Variants in PDE1C observed in about 807,000 individuals in gnomAD.
PDE1C encodes phosphodiesterase 1C.
PDE1C carries 62 observed loss-of-function variants against 93.1 expected under a neutral mutation model. That is an observed-to-expected ratio of 0.67 (90% CI 0.54 to 0.82). PDE1C has a LOEUF of 0.82. PDE1C is among the 40% of genes least tolerant of loss of function. PDE1C has a pLI of 0.00. For missense variants in PDE1C, 742 were observed against 884.6 expected (o/e 0.84, Z 2.04); for synonymous variants, 325 against 310.1 (o/e 1.05, Z -0.50).
intron 16 of PDE1C, among the ~76,000 whole-genome samples, chr7:31,797,412 T>A (rs1037022546): frequency 4.6e-5 from 7 of 151,736 alleles, no homozygotes; most frequent in Admixed American, 2.0e-4. Flanking sequence ...ACCTAAAGGA[T>A]GGGATTAACT....
At chr7:32,209,429 G>T in intron 2 of PDE1C, 1 of 1,363,930 alleles carries the variant, frequency 7.3e-7, no homozygotes, top group Non-Finnish European at 1.0e-6. Flanking sequence ...ATGGGGGAAA[G>T]ATCTCTGGAG....
At chr7:31,652,515 T>C in the PDE1C span, 1,370 of 1,586,592 alleles carry the variant, frequency 8.6e-4, 2 homozygotes, top group Admixed American at 1.4e-3. Context: ...GTTTTCCTTT[T>C]AGCAGCTGGA....
intron 8 of PDE1C, among the ~76,000 whole-genome samples, chr7:31,849,382 T>G (rs1793043849): frequency 6.6e-6 from 1 of 152,150 alleles, no homozygotes; most frequent in African/African-American, 2.4e-5. Flanking sequence ...TGGAATTCCC[T>G]GTATTAAAGG....
At chr7:32,041,183 C>G (rs1791758387) in intron 2 of PDE1C, among the ~76,000 whole-genome samples, 1 of 152,172 alleles carries the variant, frequency 6.6e-6, no homozygotes, top group Admixed American at 6.5e-5. Context: ...GAAGCAAATA[C>G]TATTTCCATT....
At chr7:32,400,979 G>C (rs1199030353) in intron 1 of PDE1C, among the ~76,000 whole-genome samples, 1 of 152,208 alleles carries the variant, frequency 6.6e-6, no homozygotes, top group African/African-American at 2.4e-5. Context: ...AACATCTTGA[G>C]TAAAATGTGT....
chr7:31,663,996 G>A, the PDE1C span, among the ~76,000 whole-genome samples: 1 of 152,060 alleles, frequency 6.6e-6, no homozygotes. Context: ...AATATTTCTG[G>A]TAAATAGGAT....
intron 16 of PDE1C, among the ~76,000 whole-genome samples, chr7:31,778,352 CCT>C (rs1435406368): frequency 1.2e-4 from 18 of 152,324 alleles, no homozygotes; most frequent in African/African-American, 4.1e-4. Context: ...GCCCGAAATG[CCT>C]CTGTGTCCCA....
At chr7:32,073,702 C>T (rs1331290231), upstream of PDE1C, among the ~76,000 whole-genome samples, 1 of 152,190 alleles carries the variant, frequency 6.6e-6, no homozygotes, top group African/African-American at 2.4e-5. Flanking sequence ...TTTAGATGCA[C>T]CATGTTACTA....
chr7:32,285,618 T>C (rs1258220937), intron 1 of PDE1C, among the ~76,000 whole-genome samples: 1 of 151,442 alleles, frequency 6.6e-6, no homozygotes, highest in Non-Finnish European at 1.5e-5. Context: ...TTATGATATG[T>C]AGATTACACC....
chr7:31,982,539 T>C (rs1812523933), intron 2 of PDE1C, among the ~76,000 whole-genome samples: 1 of 152,044 alleles, frequency 6.6e-6, no homozygotes, highest in Non-Finnish European at 1.5e-5. Context: ...TATGATTTTT[T>C]TAATTTCCTC....
chr7:32,271,387 C>T (rs1810953985), intron 1 of PDE1C, among the ~76,000 whole-genome samples: 1 of 152,068 alleles, frequency 6.6e-6, no homozygotes, highest in Admixed American at 6.5e-5. Context: ...TGTAATGCCA[C>T]GCTATTCTAG....
chr7:32,220,769 G>A (rs1366949138), intron 1 of PDE1C, among the ~76,000 whole-genome samples: 5 of 152,146 alleles, frequency 3.3e-5, no homozygotes, highest in African/African-American at 7.2e-5. Context: ...AGTGAGCCGC[G>A]ATCGCACCAC....
At chr7:31,657,262 G>A in the PDE1C span, among the ~76,000 whole-genome samples, 18 of 127,384 alleles carry the variant, frequency 1.4e-4, no homozygotes, top group Non-Finnish European at 2.9e-4. Context: ...CTGATTTCCT[G>A]ATTTGTTAAA....
intron 2 of PDE1C, among the ~76,000 whole-genome samples, chr7:32,206,018 T>G (rs1384354765): frequency 2.0e-5 from 3 of 152,184 alleles, no homozygotes; most frequent in Non-Finnish European, 2.9e-5. Flanking sequence ...AAGAAACCGA[T>G]TCTAGACGCA....
At chr7:32,218,823 A>C (rs11763287) in intron 1 of PDE1C, among the ~76,000 whole-genome samples, 18,019 of 152,158 alleles carry the variant, frequency 0.12, 1,150 homozygotes, top group East Asian at 0.25. Context: ...TCCAGATTTC[A>C]GGTTGACTCT....
chr7:32,000,758 A>G (rs922048240), intron 2 of PDE1C, among the ~76,000 whole-genome samples: 13 of 152,280 alleles, frequency 8.5e-5, no homozygotes, highest in African/African-American at 2.9e-4. Context: ...GATGTCTGGT[A>G]CCCTGGAACC....
chr7:32,109,153 T>A (rs1336364454), intron 3 of PDE1C, among the ~76,000 whole-genome samples: 4 of 152,068 alleles, frequency 2.6e-5, no homozygotes, highest in African/African-American at 9.7e-5. Context: ...TAACAAAATG[T>A]ACTCATATTT....
At chr7:31,704,171 C>G in the PDE1C span, among the ~76,000 whole-genome samples, 1 of 152,154 alleles carries the variant, frequency 6.6e-6, no homozygotes, top group Admixed American at 6.5e-5. Context: ...CAAAATCCTG[C>G]ACTTCTACAC....
chr7:32,158,607 G>A (rs999607709), intron 3 of PDE1C, among the ~76,000 whole-genome samples: 6 of 152,066 alleles, frequency 3.9e-5, no homozygotes, highest in Non-Finnish European at 5.9e-5. Context: ...CTTCCTCCAG[G>A]CACCGCAGAA....
Sources: allele counts gnomAD v4.1 joint callset (sites outside exome capture counted in the v4.1 genomes callset), GRCh38; gene constraint gnomAD v4.1.1; transcripts MANE v1.5; gene names NCBI Gene and HGNC (gene_info 2026-07-23, HGNC 2026-07-21).